The following CRTAC1 variants were observed in gnomAD, a reference collection of about 807,000 sequenced individuals.
CRTAC1 encodes the protein cartilage acidic protein 1, also known as acidic secreted protein in cartilage.
In CRTAC1, 37 loss-of-function variants were observed where a neutral mutation model predicts 67.8. That is an observed-to-expected ratio of 0.55 (90% confidence interval 0.42 to 0.72). The LOEUF (loss-of-function observed/expected upper bound fraction) is 0.72. Among genes scored for constraint, CRTAC1 ranks in the 30% least tolerant of loss-of-function variants. The pLI is 0.00. For synonymous variants in CRTAC1, 348 were observed against 371.0 expected, an observed-to-expected ratio of 0.94 and a Z score of 0.71; for missense variants, 780 against 931.6, an observed-to-expected ratio of 0.84 and a Z score of 2.12.
intron 3 of CRTAC1, 152 bp from the exon 4 acceptor site, chr10:97,923,552 T>A (rs892920785): frequency 1.2e-6 from 1 of 835,542 alleles, no homozygotes; most frequent in African/African-American, 1.7e-5. Context: ...CAGGTGAGAC[T>A]CCTCTGTGTT....
rs1181423837 is a variant in CRTAC1 at position 97,917,632 on chromosome 10, T to C, written c.583A>G (p.Ile195Val). ...RKGSGRYSIY[I>V]ANYAYGNVGP... ...ACATTACCGTAGGCGTAATTGGCAA[T>C]GTAGATAGAGTAGCGTCCAGAGCCC... Residue 195 changes from isoleucine (I) to valine (V), a missense_variant, in exon 5 of 15, where the codon ATT (isoleucine) becomes GTT (valine). Transcript: ENST00000370597. 4.4e-6 allele frequency: 7 copies of C among 1,595,434 alleles called. No homozygotes were observed. Among genetic ancestry groups the C allele is most frequent in the Admixed American group, 3.4e-5 (2 of 58,804 alleles).
At chr10:97,981,321 CA>C (rs1276146836) in intron 2 of CRTAC1, among the ~76,000 whole-genome samples, 1 of 152,194 alleles carries the variant, frequency 6.6e-6, no homozygotes, top group Non-Finnish European at 1.5e-5. Flanking sequence ...TTTAATACTT[CA>C]GTGTATTTCC....
intron 2 of CRTAC1, among the ~76,000 whole-genome samples, chr10:98,005,100 A>ATATATATATATTTT: frequency 2.0e-5 from 1 of 48,884 alleles, no homozygotes; most frequent in African/African-American, 1.2e-4. Flanking sequence ...ATATATATAT[A>ATATATATATATTTT]TTTTTTTTTT....
At chr10:97,890,040 TGAAAG>T (rs1299795818) in intron 11 of CRTAC1, among the ~76,000 whole-genome samples, 3 of 151,708 alleles carry the variant, frequency 2.0e-5, no homozygotes, top group Admixed American at 2.0e-4. Context: ...TCCACAGCAC[TGAAAG>T]GAAACAAGAT....
At chr10:97,899,136 G>A (rs1564884403) in intron 8 of CRTAC1, among the ~76,000 whole-genome samples, 1 of 152,316 alleles carries the variant, frequency 6.6e-6, no homozygotes, top group South Asian at 2.1e-4. Context: ...GACAGTTGGG[G>A]GTTAAACTTC....
intron 14 of CRTAC1, among the ~76,000 whole-genome samples, chr10:97,873,835 C>T (rs776837533): frequency 6.6e-6 from 1 of 152,178 alleles, no homozygotes; most frequent in African/African-American, 2.4e-5. Flanking sequence ...GCACCCTTCT[C>T]CTGACCCTGC....
chr10:97,990,399 C>T (rs1842420528), intron 2 of CRTAC1, among the ~76,000 whole-genome samples: 1 of 152,204 alleles, frequency 6.6e-6, no homozygotes, highest in South Asian at 2.1e-4. Context: ...TTTAAGAAGG[C>T]ATGAACTGTG....
rs1047292008 is a variant in CRTAC1 at position 97,974,573 on chromosome 10, C to T, written c.224+36565G>A. On this transcript the variant is annotated intron_variant, in intron 2 of 14. Coordinates refer to ENST00000370597, the MANE Select transcript of CRTAC1 (RefSeq NM_018058.7). ...AATATTAATCTAGAGAAGGAGAAGT[C>T]GCTTTGGTGGAAATTGTTTTCTCCT... Among the ~76,000 whole-genome samples, 5 of 152,206 alleles carry T rather than the reference C, an allele frequency of 3.3e-5. No individual in the cohort carries two copies. The East Asian group carries it at 7.7e-4, about 23-fold the overall frequency.
At chr10:97,922,368 C>A (rs1178332847) in intron 4 of CRTAC1, among the ~76,000 whole-genome samples, 2 of 152,216 alleles carry the variant, frequency 1.3e-5, no homozygotes, top group South Asian at 4.1e-4. Context: ...CACACTGAAT[C>A]CCCAATCCCC....
At position 97,865,349 on chromosome 10, in the gene CRTAC1, G is replaced by T. The variant is rs1363615829; in HGVS notation, c.*199C>A. ...CGCCATCAGGGCAGCGACCCTGTCT[G>T]CTGTGATCACAGCTATGTGCCCAGC... On this transcript the variant is annotated 3_prime_UTR_variant, in exon 15 of 15. Transcript: ENST00000370597. 2 of 574,360 alleles carry T rather than the reference G, an allele frequency of 3.5e-6. No homozygotes were observed. Among genetic ancestry groups the T allele is most frequent in the African/African-American group, 3.7e-5 (2 of 53,814 alleles). The allele number at this position is 574,360 out of a possible 1,614,324, so 35.6% of individuals were successfully genotyped here. A position where few individuals can be genotyped will look rare whatever the true frequency, so the allele number is the denominator to read the frequency against.
rs2050443837 is a variant in CRTAC1, at chr10:97,895,434, A to C, written c.1318-21T>G. 6.4e-7 allele frequency: 1 copy of C among 1,570,498 alleles called. No individual in the cohort carries two copies. Among genetic ancestry groups the C allele is most frequent in the East Asian group, 2.3e-5 (1 of 43,692 alleles). On this transcript the variant is annotated intron_variant, in intron 10 of 14. Coordinates refer to ENST00000370597, the MANE Select transcript of CRTAC1 (RefSeq NM_018058.7). This position sits in a 1 kb window ranked among gnomAD's most constrained non-coding sequence, Gnocchi z 4.2. ...AAGCCCTGCAGAGAGGGTGAGAGGC[A>C]GACACCCGGTGGGCATCAGCATGGT...
intron 6 of CRTAC1, among the ~76,000 whole-genome samples, chr10:97,905,681 T>C (rs2050601510): frequency 6.6e-6 from 1 of 152,212 alleles, no homozygotes; most frequent in African/African-American, 2.4e-5. Flanking sequence ...CTGGTAGTTT[T>C]CAGTAAATAC....
chr10:98,017,448 G>T (rs139163365), intron 1 of CRTAC1, among the ~76,000 whole-genome samples: 2 of 152,186 alleles, frequency 1.3e-5, no homozygotes, highest in East Asian at 3.9e-4. Flanking sequence ...GGAGATGTGC[G>T]GAGGGGGAAA....
chr10:98,013,236 G>A (rs1564935479), intron 1 of CRTAC1, among the ~76,000 whole-genome samples: 1 of 152,172 alleles, frequency 6.6e-6, no homozygotes, highest in Non-Finnish European at 1.5e-5. Context: ...CATCAGCAAT[G>A]GGCATGGAAG....
chr10:97,908,507 A>T (rs2050645744), intron 5 of CRTAC1, among the ~76,000 whole-genome samples: 1 of 152,198 alleles, frequency 6.6e-6, no homozygotes, highest in African/African-American at 2.4e-5. Context: ...TGGTCAAGTC[A>T]CAGATACCCC....
chr10:97,991,494 A>T (rs1842456009), intron 2 of CRTAC1, among the ~76,000 whole-genome samples: 1 of 152,092 alleles, frequency 6.6e-6, no homozygotes, highest in Non-Finnish European at 1.5e-5. Context: ...TCCCCCCGAT[A>T]AAAAGAGGGA....
chr10:97,993,470 A>G (rs1254375394), intron 2 of CRTAC1, among the ~76,000 whole-genome samples: 2 of 152,192 alleles, frequency 1.3e-5, no homozygotes, highest in Non-Finnish European at 2.9e-5. Context: ...TGTTATTTCC[A>G]TATATGCCTT....
At chr10:97,979,894 C>G (rs1039341891) in intron 2 of CRTAC1, among the ~76,000 whole-genome samples, 1 of 152,114 alleles carries the variant, frequency 6.6e-6, no homozygotes, top group Non-Finnish European at 1.5e-5. Flanking sequence ...ATAAAAATAA[C>G]GAGGGGCACT....
At chr10:97,948,530 G>A (rs549112015) in intron 2 of CRTAC1, among the ~76,000 whole-genome samples, 12 of 152,286 alleles carry the variant, frequency 7.9e-5, no homozygotes, top group African/African-American at 2.4e-4. Context: ...TTGTGAGCAA[G>A]AGGAAAAGAC....
Sources: allele counts gnomAD v4.1 joint callset (sites outside exome capture counted in the v4.1 genomes callset), GRCh38; gene constraint gnomAD v4.1.1; non-coding constraint Gnocchi (gnomAD v3.1); transcripts MANE v1.5; gene names NCBI Gene and HGNC (gene_info 2026-07-23, HGNC 2026-07-21).